The following COL6A5 variants were observed in gnomAD, a reference collection of about 807,000 sequenced individuals.
The protein encoded by COL6A5 is collagen type VI alpha 5 chain.
In COL6A5, 48 loss-of-function variants were observed where a neutral mutation model predicts 65.6. That is an observed-to-expected ratio of 0.73 (90% CI 0.58 to 0.93). COL6A5 has a LOEUF of 0.93. COL6A5 is among the 40% of genes least tolerant of loss of function. The probability of loss-of-function intolerance (pLI) is 0.00; values close to 1 mark genes in which losing one functional copy is unlikely to be tolerated. For synonymous variants in COL6A5, 291 were observed against 322.8 expected (o/e 0.90, Z 1.05); for missense variants, 914 against 928.3 (o/e 0.98, Z 0.20).
Position 130,483,999 on chromosome 3 carries a change from G to T in COL6A5, c.2329-36G>T. The T allele has an allele frequency of 2.5e-6, 4 of 1,590,858 alleles. No homozygotes were observed. In the South Asian group the frequency reaches 4.6e-5, roughly 18 times the overall value. ...GAGGAACATTTTGAACAAATACAAT[G>T]ACATTAAAAGCAGTGAATATTGTTA... On this transcript the variant is annotated intron_variant, in intron 7 of 7. Coordinates refer to ENST00000512836, the Ensembl canonical transcript of COL6A5.
chr3:130,431,320 C>A, upstream of COL6A5: 1 of 906,062 alleles, frequency 1.1e-6, no homozygotes, highest in Non-Finnish European at 1.8e-6. Flanking sequence ...TCTTTCCTTT[C>A]TTTGCACATG....
At chr3:130,466,643 A>G (rs1179773971) in intron 5 of COL6A5, among the ~76,000 whole-genome samples, 1 of 151,952 alleles carries the variant, frequency 6.6e-6, no homozygotes, top group East Asian at 1.9e-4. Context: ...GTGAAATTGA[A>G]AAAAGAAAAA....
At chr3:130,359,769 GAGT>G (rs1207460479) in intron 1 of COL6A5, among the ~76,000 whole-genome samples, 1 of 152,066 alleles carries the variant, frequency 6.6e-6, no homozygotes, top group East Asian at 1.9e-4. Flanking sequence ...GGGCAAAATT[GAGT>G]AGTATATTTT....
chr3:130,397,744 G>A (rs1216608152), exon 9 of COL6A5: 1 of 1,551,562 alleles, frequency 6.4e-7, no homozygotes. Context: ...AGAGGCACAG[G>A]TGAGCTTGGC....
At chr3:130,404,111 T>C (rs1023059522) in intron 13 of COL6A5, among the ~76,000 whole-genome samples, 3 of 152,166 alleles carry the variant, frequency 2.0e-5, no homozygotes, top group African/African-American at 7.2e-5. Context: ...GGCTGGAGTA[T>C]ACACCCTTCC....
chr3:130,402,165 G>C (rs1005467602), intron 12 of COL6A5, among the ~76,000 whole-genome samples: 9 of 152,184 alleles, frequency 5.9e-5, no homozygotes, highest in African/African-American at 1.9e-4. Context: ...ATGAAGCTGG[G>C]TGTAGGAGCT....
exon 5 of COL6A5, chr3:130,384,856 C>A: frequency 6.4e-7 from 1 of 1,550,396 alleles, no homozygotes; most frequent in East Asian, 2.4e-5. Context: ...ATGGCTCAAG[C>A]AGCATCCAGG....
chr3:130,412,190 G>A (rs1324574434), intron 20 of COL6A5, among the ~76,000 whole-genome samples: 1 of 152,104 alleles, frequency 6.6e-6, no homozygotes, highest in African/African-American at 2.4e-5. Flanking sequence ...CATCTATTTT[G>A]CACCAGGTCT....
chr3:130,365,269 ATGTTT>A (rs61258830), intron 1 of COL6A5, among the ~76,000 whole-genome samples: 18 of 152,030 alleles, frequency 1.2e-4, no homozygotes, highest in Admixed American at 3.3e-4. Context: ...CTCCTTTAAG[ATGTTT>A]TGTTTTGTTT....
chr3:130,395,156 G>T, exon 8 of COL6A5: 1 of 1,551,674 alleles, frequency 6.4e-7, no homozygotes, highest in Non-Finnish European at 8.7e-7. Flanking sequence ...AATTGACTTT[G>T]CCCTTAAAAA....
intron 12 of COL6A5, among the ~76,000 whole-genome samples, chr3:130,402,671 T>C (rs1210677674): frequency 6.6e-6 from 1 of 152,144 alleles, no homozygotes; most frequent in Non-Finnish European, 1.5e-5. Context: ...GAATTGTGAC[T>C]GGGGACAGGC....
In COL6A5 at chr3:130,400,922, T is replaced by TC. The variant is rs1003584916; in HGVS notation, c.3992-105dup. ...CTCCTTCCTCTTATGTTTGTTTTTTTCCCCTTTTCAATTCTTTAAATCATG... is the reference window on the plus strand; with the variant it reads ...CTCCTTCCTCTTATGTTTGTTTTTTTCCCCCTTTTCAATTCTTTAAATCATG... On this transcript the variant is annotated intron_variant and NMD_transcript_variant, in intron 10 of 41. Coordinates refer to the COL6A5 transcript ENST00000312481. 8.8e-6 allele frequency: 8 copies of TC among 908,664 alleles called. No individual in the cohort carries two copies. The South Asian group carries it at 1.6e-4, about 18-fold the overall frequency. The allele number at this position is 908,664 out of a possible 1,614,324, so 56.3% of individuals were successfully genotyped here.
At chr3:130,460,828 G>A (rs1709686539) in intron 5 of COL6A5, among the ~76,000 whole-genome samples, 1 of 151,712 alleles carries the variant, frequency 6.6e-6, no homozygotes, top group Non-Finnish European at 1.5e-5. Context: ...TAGTGATAAT[G>A]GTGATAGTGA....
At position 130,410,486 on chromosome 3, in the gene COL6A5, A is replaced by C. The variant is rs972598074; in HGVS notation, c.4624A>C (p.Lys1542Gln). The change falls in exon 20 of 42, where the codon AAA (lysine) becomes CAA (glutamine). Residue 1542 changes from lysine to glutamine, a missense_variant and NMD_transcript_variant. By Grantham distance (53) the Lys-to-Gln change is moderately conservative (BLOSUM62 1). Transcript: ENST00000312481. ...ATATTTTTAGGGTAGAAGTGGACAG[A>C]AAGGGGTGCAAGGCAGTCCTAGTTC... The C allele has an allele frequency of 4.4e-5, 68 of 1,550,794 alleles. No homozygotes were observed. In the Middle Eastern group the frequency reaches 5.0e-4, roughly 11 times the overall value.
At chr3:130,368,528 TGTGA>T (rs1259049983) in intron 1 of COL6A5, among the ~76,000 whole-genome samples, 5 of 149,056 alleles carry the variant, frequency 3.4e-5, no homozygotes, top group African/African-American at 9.9e-5. Flanking sequence ...GGTGTGTATG[TGTGA>T]GTGTGTGTGA....
exon 8 of COL6A5, chr3:130,484,054 A>C (rs1369571855): frequency 1.2e-6 from 2 of 1,607,996 alleles, no homozygotes; most frequent in East Asian, 4.5e-5. Flanking sequence ...ATACAAGGTC[A>C]TCATAGGAGA....
chr3:130,416,658 G>T, intron 23 of COL6A5, 99 bp from the exon 24 acceptor site: 1 of 719,430 alleles, frequency 1.4e-6, no homozygotes, highest in South Asian at 1.7e-5. Context: ...CTGCATCAAG[G>T]AGTTGTTGGG....
At chr3:130,347,886 G>A (rs1465176000) in intron 1 of COL6A5, among the ~76,000 whole-genome samples, 1 of 152,140 alleles carries the variant, frequency 6.6e-6, no homozygotes, top group African/African-American at 2.4e-5. Context: ...GAGGAGTTGG[G>A]CACTGGGCAA....
intron 25 of COL6A5, among the ~76,000 whole-genome samples, chr3:130,420,189 A>T (rs1937486277): frequency 6.6e-6 from 1 of 152,044 alleles, no homozygotes; most frequent in Admixed American, 6.6e-5. Flanking sequence ...GAAGAGAGAG[A>T]AGGAAAGAAA....
Sources: allele counts gnomAD v4.1 joint callset (sites outside exome capture counted in the v4.1 genomes callset), GRCh38; gene constraint gnomAD v4.1.1; transcripts MANE v1.5; gene names NCBI Gene and HGNC (gene_info 2026-07-23, HGNC 2026-07-21).